ADAM12: variants seen among roughly 807,000 people sequenced by gnomAD.
ADAM12 encodes the protein disintegrin and metalloproteinase domain-containing protein 12.
A neutral mutation model predicts 106.4 loss-of-function variants in ADAM12; 70 were observed. The observed-to-expected ratio is 0.66, with a 90% CI of 0.54 to 0.80. The LOEUF is 0.80. Ranked by LOEUF, ADAM12 falls within the 30% of genes least tolerant of loss-of-function variation. ADAM12 has a pLI of 0.00. For missense variants in ADAM12, 1,010 were observed against 1,171.9 expected (o/e 0.86, Z 2.02); for synonymous variants, 420 against 433.5 (o/e 0.97, Z 0.39).
At chr10:126,047,641 A>T (rs571969525) in intron 16 of ADAM12, among the ~76,000 whole-genome samples, 2 of 152,322 alleles carry the variant, frequency 1.3e-5, no homozygotes, top group African/African-American at 4.8e-5. Context: ...AAGTCAAAAA[A>T]CAACAGATGC....
chr10:126,195,531 A>T (rs537246781), intron 3 of ADAM12, among the ~76,000 whole-genome samples: 6 of 152,100 alleles, frequency 3.9e-5, no homozygotes, highest in Non-Finnish European at 8.8e-5. Context: ...GCCAAATCGC[A>T]CCATTGCACT....
chr10:126,047,651 C>A (rs970577127), intron 16 of ADAM12, among the ~76,000 whole-genome samples: 4 of 152,166 alleles, frequency 2.6e-5, no homozygotes, highest in Non-Finnish European at 5.9e-5. Flanking sequence ...ACAACAGATG[C>A]TGGCAAGGTT....
intron 21 of ADAM12, among the ~76,000 whole-genome samples, chr10:126,032,670 C>A (rs1284942457): frequency 6.6e-6 from 1 of 152,136 alleles, no homozygotes; most frequent in Non-Finnish European, 1.5e-5. Context: ...AAAGGAGCTT[C>A]TCTGCTCTTT....
intron 7 of ADAM12, 23 bp downstream of exon 7, chr10:126,109,749 ACTG>A: frequency 6.2e-7 from 1 of 1,600,346 alleles, no homozygotes; most frequent in Non-Finnish European, 8.5e-7. Context: ...AACCAACCAT[ACTG>A]AGAAATTTTA....
chr10:126,272,456 G>A (rs771020317), intron 3 of ADAM12, among the ~76,000 whole-genome samples: 1 of 152,106 alleles, frequency 6.6e-6, no homozygotes, highest in Non-Finnish European at 1.5e-5. Context: ...TGGGAGGCAT[G>A]AGCAAGCACA....
chr10:126,043,253 A>T lies in ADAM12; in HGVS notation c.1996-105T>A. The T allele has an allele frequency of 1.9e-6, 2 of 1,051,082 alleles. No individual in the cohort carries two copies. The highest frequency in any genetic ancestry group is 4.2e-5 in the Admixed American group (2 of 47,116). 65.1% of individuals were successfully genotyped at this position (1,051,082 alleles called of 1,614,324 possible). On this transcript the variant is annotated intron_variant, in intron 17 of 22. Transcript: ENST00000448723. The surrounding 1 kb of genome is among the most constrained non-coding windows in gnomAD (Gnocchi z 4.1). ...GTCAGAGCCCCCCCCCAACACTGAC[A>T]CAGCCAGACTCAGCACACGCCATGG... is the stretch of plus-strand genomic sequence containing the variant.
At chr10:126,205,913 G>A (rs1220390582) in intron 3 of ADAM12, among the ~76,000 whole-genome samples, 4 of 152,038 alleles carry the variant, frequency 2.6e-5, no homozygotes, top group African/African-American at 9.7e-5. Context: ...AACATCACTG[G>A]TATCTGAATA....
At chr10:126,196,783 T>TA (rs61020494) in intron 3 of ADAM12, among the ~76,000 whole-genome samples, 11,895 of 152,202 alleles carry the variant, frequency 0.078, 1,547 homozygotes, top group African/African-American at 0.27. Context: ...TATGAATACT[T>TA]AAAGATTTCC....
At chr10:126,168,411 T>C (rs181506211) in intron 3 of ADAM12, among the ~76,000 whole-genome samples, 192 of 152,324 alleles carry the variant, frequency 1.3e-3, no homozygotes, top group African/African-American at 4.4e-3. Context: ...AAAATGAGAA[T>C]GATAGTGCCT....
intron 3 of ADAM12, among the ~76,000 whole-genome samples, chr10:126,202,516 T>C (rs1957721646): frequency 6.6e-6 from 1 of 152,150 alleles, no homozygotes; most frequent in Admixed American, 6.5e-5. Context: ...TCTCTCTCTC[T>C]CTCTCTTTAA....
In ADAM12 at chr10:126,014,313, G is replaced by GATTT. The variant is rs1953619976; in HGVS notation, c.*2965_*2966insAAAT. 1.3e-4 allele frequency: 6 copies of GATTT among 46,322 alleles called. No homozygotes were observed. The highest frequency in any genetic ancestry group is 4.5e-4 in the African/African-American group (6 of 13,248). 2.9% of individuals were successfully genotyped at this position (46,322 alleles called of 1,614,324 possible). ...GAACATTTTGACACAGTTTTAGCCGGTTTTTTTTTTTTTTTTTTTTTTTTG... is the reference window on the plus strand; with the variant it reads ...GAACATTTTGACACAGTTTTAGCCGGATTTTTTTTTTTTTTTTTTTTTTTTTTTG... On this transcript the variant is annotated 3_prime_UTR_variant, in exon 23 of 23. Transcript: ENST00000448723.
At chr10:126,033,338 A>C (rs1360732573) in intron 21 of ADAM12, among the ~76,000 whole-genome samples, 1 of 152,228 alleles carries the variant, frequency 6.6e-6, no homozygotes, top group Non-Finnish European at 1.5e-5. Context: ...TAATCAAAAA[A>C]ATACAAGGAG....
chr10:126,072,914 G>A (rs1213887177), intron 11 of ADAM12, among the ~76,000 whole-genome samples: 2 of 152,150 alleles, frequency 1.3e-5, no homozygotes, highest in African/African-American at 2.4e-5. Flanking sequence ...AAGCTGCTAC[G>A]CTCCCCTGAT....
chr10:126,253,855 T>G (rs1198741143), intron 3 of ADAM12, among the ~76,000 whole-genome samples: 1 of 152,120 alleles, frequency 6.6e-6, no homozygotes. Flanking sequence ...CAAGGATGAG[T>G]GAGGTGAGCC....
At chr10:126,363,561 A>T (rs1193014895) in intron 1 of ADAM12, among the ~76,000 whole-genome samples, 1 of 152,114 alleles carries the variant, frequency 6.6e-6, no homozygotes, top group African/African-American at 2.4e-5. Flanking sequence ...CTTCCCTGAC[A>T]TGTCAATGGA....
chr10:126,079,282 C>T (rs553101703), intron 11 of ADAM12, among the ~76,000 whole-genome samples: 1 of 152,146 alleles, frequency 6.6e-6, no homozygotes, highest in East Asian at 1.9e-4. Context: ...CAGAACTTCC[C>T]CCCACCCCTC....
intron 9 of ADAM12, among the ~76,000 whole-genome samples, chr10:126,099,176 T>A (rs1955612051): frequency 6.6e-6 from 1 of 152,226 alleles, no homozygotes; most frequent in Admixed American, 6.5e-5. Flanking sequence ...CAAGTGCTGT[T>A]AATTCCAACC....
intron 3 of ADAM12, among the ~76,000 whole-genome samples, chr10:126,267,668 A>T (rs1959125843): frequency 6.6e-6 from 1 of 152,150 alleles, no homozygotes; most frequent in Non-Finnish European, 1.5e-5. Context: ...AATACAGATG[A>T]AGCTTCACTC....
At chr10:126,271,524 G>C (rs1351214761) in intron 3 of ADAM12, among the ~76,000 whole-genome samples, 1 of 152,186 alleles carries the variant, frequency 6.6e-6, no homozygotes, top group Non-Finnish European at 1.5e-5. Flanking sequence ...CATGCCTTTG[G>C]GAGGCCGAGG....
Sources: gnomAD v4.1 joint callset for allele counts (sites outside exome capture counted in the v4.1 genomes callset) on GRCh38, gnomAD v4.1.1 for gene constraint, Gnocchi (gnomAD v3.1) non-coding constraint, MANE v1.5 for transcripts, NCBI Gene and HGNC (gene_info 2026-07-23, HGNC 2026-07-21) for gene names.